Variants in PARD6G observed in about 807,000 individuals in gnomAD.
PARD6G encodes the protein partitioning defective 6 homolog gamma.
Under a neutral mutation model 10.7 loss-of-function variants are expected in PARD6G, and 7 were observed. The observed-to-expected ratio is 0.66, with a 90% CI of 0.37 to 1.23. The LOEUF (loss-of-function observed/expected upper bound fraction) is 1.23. Ranked by LOEUF, PARD6G falls within the 50% of genes most tolerant of loss-of-function variation. The pLI, the probability that PARD6G is intolerant of heterozygous loss-of-function variation, is 0.02. For missense variants in PARD6G, 548 were observed against 571.8 expected (o/e 0.96, Z 0.42); for synonymous variants, 287 against 269.4 (o/e 1.07, Z -0.64).
chr18:80,237,917 A>G (rs774086904), intron 1 of PARD6G, among the ~76,000 whole-genome samples: 1 of 152,106 alleles, frequency 6.6e-6, no homozygotes, highest in Non-Finnish European at 1.5e-5. Context: ...AACTAATTCA[A>G]CCATTGTGGA....
intron 1 of PARD6G, among the ~76,000 whole-genome samples, chr18:80,212,809 C>T (rs1015145577): frequency 3.3e-5 from 5 of 151,998 alleles, no homozygotes; most frequent in Admixed American, 6.6e-5. Flanking sequence ...CACTTGAACC[C>T]GGGAGGCAGA....
intron 1 of PARD6G, among the ~76,000 whole-genome samples, chr18:80,217,258 T>C (rs190048271): frequency 1.3e-5 from 2 of 152,292 alleles, no homozygotes; most frequent in East Asian, 3.9e-4. Flanking sequence ...ATGATGTAAA[T>C]GACTGAGTAC....
intron 1 of PARD6G, among the ~76,000 whole-genome samples, chr18:80,207,077 A>G (rs1168163218): frequency 7.5e-6 from 1 of 133,780 alleles, no homozygotes; most frequent in East Asian, 2.1e-4. Flanking sequence ...ATCAATAAAT[A>G]CTTAACAGTA....
At chr18:80,174,605 T>G (rs2052796866) in intron 2 of PARD6G, among the ~76,000 whole-genome samples, 1 of 152,184 alleles carries the variant, frequency 6.6e-6, no homozygotes, top group South Asian at 2.1e-4. Context: ...ACTCCAGCAC[T>G]GGGTGATGCA....
At position 80,201,292 on chromosome 18, in the gene PARD6G, A is replaced by T. The variant is rs1233603179; in HGVS notation, c.295+1418T>A. The stretch of plus-strand genomic sequence containing the variant: ...ACCCAGGCAATGTGAAGGGGTAGAG[A>T]GTTCCAGGGCAGGGGGCAGGGGGCA... On this transcript the variant is annotated intron_variant, in intron 2 of 2. Coordinates refer to ENST00000353265, the MANE Select transcript of PARD6G (RefSeq NM_032510.4). The surrounding 1 kb of genome is among the most constrained non-coding windows in gnomAD (Gnocchi z 5.9). Among the ~76,000 whole-genome samples the T allele has an allele frequency of 6.6e-6, 1 of 152,078 alleles. No homozygotes were observed. The highest frequency in any genetic ancestry group is 1.9e-4 in the East Asian group (1 of 5,180).
rs1967560066 is a variant in PARD6G, at chr18:80,247,054, C to G, written c.72+223G>C. Among the ~76,000 whole-genome samples, 1 of 152,082 alleles carries G rather than the reference C, an allele frequency of 6.6e-6. No homozygotes were observed. The highest frequency in any genetic ancestry group is 6.5e-5 in the Admixed American group (1 of 15,288). ...GCCCGGACTGTCCGATGGCCCTCGG[C>G]CCTCTGAGCGCCGCGGCTGCCGGGC... On this transcript the variant is annotated intron_variant, in intron 1 of 2. Coordinates refer to ENST00000353265, the MANE Select transcript of PARD6G (RefSeq NM_032510.4). The surrounding 1 kb of genome is among the most constrained non-coding windows in gnomAD (Gnocchi z 4.2).
chr18:80,211,996 T>C (rs960716284), intron 1 of PARD6G, among the ~76,000 whole-genome samples: 2 of 152,104 alleles, frequency 1.3e-5, no homozygotes, highest in African/African-American at 4.8e-5. Flanking sequence ...ACAATATGAA[T>C]ATACAGCAGG....
rs909772760 is a variant in PARD6G, at chr18:80,157,267, T to C, written c.*2504A>G. Reference sequence around the variant, plus strand: ...TCAAAAGTCAAAAAAGTTTTTATTCTCTGATATATAAAACCAAGAAAACTT... The same window carrying C: ...TCAAAAGTCAAAAAAGTTTTTATTCCCTGATATATAAAACCAAGAAAACTT... On this transcript the variant is annotated 3_prime_UTR_variant, in exon 3 of 3. Coordinates refer to ENST00000353265, the MANE Select transcript of PARD6G (RefSeq NM_032510.4). 1 of 152,242 alleles carries C rather than the reference T, an allele frequency of 6.6e-6. No homozygotes were observed. Among genetic ancestry groups the C allele is most frequent in the African/African-American group, 2.4e-5 (1 of 41,454 alleles). The allele number at this position is 152,242 out of a possible 1,614,324, so 9.4% of individuals were successfully genotyped here.
chr18:80,245,024 C>T (rs1199156041), intron 1 of PARD6G, among the ~76,000 whole-genome samples: 3 of 152,144 alleles, frequency 2.0e-5, no homozygotes, highest in African/African-American at 7.2e-5. Flanking sequence ...CCAGTTCAAC[C>T]AAAACTCTGG....
chr18:80,179,544 C>A (rs900284423), intron 2 of PARD6G, among the ~76,000 whole-genome samples: 2 of 152,218 alleles, frequency 1.3e-5, no homozygotes, highest in Non-Finnish European at 2.9e-5. Context: ...GCTTTAGGGT[C>A]CCCTGCTGCC....
intron 2 of PARD6G, 110 bp downstream of exon 2, chr18:80,202,600 A>G (rs533316683): frequency 3.6e-5 from 29 of 808,874 alleles, no homozygotes; most frequent in Middle Eastern, 3.7e-4. Flanking sequence ...ATCTCCTACT[A>G]CAGGTTAGAA....
chr18:80,247,447 C>T lies in PARD6G; in HGVS notation c.-99G>A. ...CCCCAGGCCCCGGCCCCGGCCCCGGCCCGCGCTCGCTTGGCCGGCGGGCTG... is the reference window on the plus strand; with the variant it reads ...CCCCAGGCCCCGGCCCCGGCCCCGGTCCGCGCTCGCTTGGCCGGCGGGCTG... On this transcript the variant is annotated 5_prime_UTR_variant, in exon 1 of 3. Coordinates refer to ENST00000353265, the MANE Select transcript of PARD6G (RefSeq NM_032510.4). This position sits in a 1 kb window ranked among gnomAD's most constrained non-coding sequence, Gnocchi z 4.2. 3 of 862,946 alleles carry T rather than the reference C, an allele frequency of 3.5e-6. No individual in the cohort carries two copies. Among genetic ancestry groups the T allele is most frequent in the Non-Finnish European group, 4.6e-6 (3 of 655,700 alleles). The allele number at this position is 862,946 out of a possible 1,614,324, so 53.5% of individuals were successfully genotyped here. A position where few individuals can be genotyped will look rare whatever the true frequency, so the allele number is the denominator to read the frequency against.
chr18:80,193,427 A>T (rs922161019), intron 2 of PARD6G, among the ~76,000 whole-genome samples: 3 of 152,208 alleles, frequency 2.0e-5, no homozygotes, highest in Non-Finnish European at 4.4e-5. Flanking sequence ...TGCCCCAAGG[A>T]CATTTTGTAG....
chr18:80,186,192 TCA>T (rs1230398748), intron 2 of PARD6G, among the ~76,000 whole-genome samples: 1 of 118,442 alleles, frequency 8.4e-6, no homozygotes, highest in Admixed American at 8.6e-5. Flanking sequence ...ACATGCACCC[TCA>T]CACACGCATA....
At position 80,247,245 on chromosome 18, in the gene PARD6G, C is replaced by G. The variant is rs570190366; in HGVS notation, c.72+32G>C. The G allele has an allele frequency of 1.9e-6, 3 of 1,549,998 alleles. No individual in the cohort carries two copies. The East Asian group carries it at 7.7e-5, about 40-fold the overall frequency. ...CCCATTCATTAGCCAGGAGACTGGGCGCAGGGCCGCCGGGGCGGGCGGGGG... is the reference window on the plus strand; with the variant it reads ...CCCATTCATTAGCCAGGAGACTGGGGGCAGGGCCGCCGGGGCGGGCGGGGG... On this transcript the variant is annotated intron_variant, in intron 1 of 2. Coordinates refer to ENST00000353265, the MANE Select transcript of PARD6G (RefSeq NM_032510.4). This position sits in a 1 kb window ranked among gnomAD's most constrained non-coding sequence, Gnocchi z 4.2.
Position 80,160,050 on chromosome 18 carries a change from G to A in PARD6G, c.852C>T (p.Val284=). ...AGFVGPPAPR[V]LQNFHPDEAE... is the part of the protein sequence containing the mutation. ...CCTCGTCGGGGTGGAAGTTCTGCAG[G>A]ACGCGCGGGGCGGGGGGACCCACGA... Residue 284 remains valine, a synonymous_variant, in exon 3 of 3, where the codon GTC becomes GTT. Coordinates refer to ENST00000353265, the MANE Select transcript of PARD6G (RefSeq NM_032510.4). The A allele has an allele frequency of 6.5e-7, 1 of 1,547,590 alleles. No individual in the cohort carries two copies. The highest frequency in any genetic ancestry group is 1.3e-5 in the South Asian group (1 of 79,740).
At chr18:80,234,922 C>A (rs1967402453) in intron 1 of PARD6G, among the ~76,000 whole-genome samples, 1 of 151,760 alleles carries the variant, frequency 6.6e-6, no homozygotes, top group African/African-American at 2.4e-5. Context: ...GACTTTAACA[C>A]CCCACTGTCA....
Position 80,247,153 on chromosome 18 carries a change from C to T in PARD6G, c.72+124G>A, listed in dbSNP as rs1359392041. On this transcript the variant is annotated intron_variant, in intron 1 of 2. Transcript: ENST00000353265. This position sits in a 1 kb window ranked among gnomAD's most constrained non-coding sequence, Gnocchi z 4.2. ...CGTCCCGCGGAGCGGCGCGCGGCGC[C>T]CGAACTGGAAAGTTGTCGCCGGCGC... is the stretch of plus-strand genomic sequence containing the variant. 4 of 651,618 alleles carry T rather than the reference C, an allele frequency of 6.1e-6. No individual in the cohort carries two copies. The highest frequency in any genetic ancestry group is 7.0e-6 in the Non-Finnish European group (3 of 430,446). 40.4% of individuals were successfully genotyped at this position (651,618 alleles called of 1,614,324 possible).
rs1237439164 is a variant in PARD6G at position 80,180,637 on chromosome 18, C to A, written c.296-20031G>T. Among the ~76,000 whole-genome samples the A allele has an allele frequency of 6.6e-6, 1 of 152,162 alleles. No individual in the cohort carries two copies. Among genetic ancestry groups the A allele is most frequent in the Non-Finnish European group, 1.5e-5 (1 of 68,026 alleles). On this transcript the variant is annotated intron_variant, in intron 2 of 2. Transcript: ENST00000353265. This position sits in a 1 kb window ranked among gnomAD's most constrained non-coding sequence, Gnocchi z 5.6. ...GCAAATGGCAGGGCTGCTCCCCACT[C>A]CCTGGAGGAAGTGAGCCTGACCCCC...
Sources: gnomAD v4.1 joint callset for allele counts (sites outside exome capture counted in the v4.1 genomes callset) on GRCh38, gnomAD v4.1.1 for gene constraint, Gnocchi (gnomAD v3.1) non-coding constraint, MANE v1.5 for transcripts, NCBI Gene and HGNC (gene_info 2026-07-23, HGNC 2026-07-21) for gene names.